The following UNC79 variants were observed in gnomAD, a reference collection of about 807,000 sequenced individuals.
The protein encoded by UNC79 is unc-79 subunit of NALCN channel complex.
In UNC79, 37 loss-of-function variants were observed where a neutral mutation model predicts 283.1. The ratio of observed to expected loss-of-function variants is 0.13; its 90% CI spans 0.10 to 0.17. UNC79 has a LOEUF of 0.17. Ranked by LOEUF, UNC79 falls within the 10% of genes least tolerant of loss-of-function variation. The pLI, the probability that UNC79 is intolerant of heterozygous loss-of-function variation, is 1.00. For synonymous variants in UNC79, 1,107 were observed against 1,200.2 expected, an observed-to-expected ratio of 0.92 and a Z score of 1.61; for missense variants, 2,272 against 3,211.1, an observed-to-expected ratio of 0.71 and a Z score of 7.07.
intron 14 of UNC79, among the ~76,000 whole-genome samples, chr14:93,551,199 G>C (rs1391828782): frequency 6.6e-6 from 1 of 152,240 alleles, no homozygotes; most frequent in Middle Eastern, 3.4e-3. Flanking sequence ...ACAGGCGCCC[G>C]TCACTAAGCC....
rs144168887 is a variant in UNC79, at chr14:93,587,757, C to T, written c.3032+849C>T. Among the ~76,000 whole-genome samples the T allele has an allele frequency of 2.6e-3, 399 of 152,172 alleles. 6 individuals carry two copies. In the East Asian group the frequency reaches 0.027, roughly 10 times the overall value. ...AACCCCAAGAGGATGAATATAAACT[C>T]GACAGTCTTGGTTAAACTAAGATTC... On this transcript the variant is annotated intron_variant, in intron 22 of 48. Transcript: ENST00000555664.
intron 47 of UNC79, among the ~76,000 whole-genome samples, chr14:93,695,902 A>AAAAAAAAAAAAAAAAAAAAAAAAAAAAAC (rs1344209641): frequency 1.3e-5 from 2 of 148,504 alleles, no homozygotes; most frequent in Admixed American, 6.7e-5. Context: ...AAAAAAAAAA[A>AAAAAAAAAAAAAAAAAAAAAAAAAAAAAC]AAAAAAAAGC....
chr14:93,621,789 G>T lies in UNC79; in HGVS notation c.4556G>T (p.Arg1519Met), dbSNP rs1160327387. 6.2e-7 allele frequency: 1 copy of T among 1,614,034 alleles called. No homozygotes were observed. The highest frequency in any genetic ancestry group is 8.5e-7 in the Non-Finnish European group (1 of 1,180,032). ...TTGTTTACATTAGACGAACATCGTA[G>T]GAAGTCGTGCATAGATCGGTGTGAC... Residue 1519 changes from arginine to methionine, a missense_variant, in exon 30 of 49, where the codon AGG (arginine) becomes ATG (methionine). Arg to Met is a moderately conservative substitution (Grantham distance 91). This residue lies in a region of UNC79 where 580 missense variants were observed against 632.2 expected (regional missense o/e 0.92). Coordinates refer to ENST00000555664, the Ensembl canonical transcript of UNC79. This position sits in a 1 kb window ranked among gnomAD's most constrained non-coding sequence, Gnocchi z 4.8.
chr14:93,429,818 T>C (rs1450816009), upstream of UNC79, among the ~76,000 whole-genome samples: 2 of 152,208 alleles, frequency 1.3e-5, no homozygotes, highest in African/African-American at 4.8e-5. Context: ...GTACTTTTAG[T>C]TTACAAGGAC....
chr14:93,405,146 G>A (rs2055200814), intron 1 of UNC79, among the ~76,000 whole-genome samples: 1 of 151,934 alleles, frequency 6.6e-6, no homozygotes, highest in Admixed American at 6.6e-5. Context: ...AGCTGCGTGT[G>A]GTGGCGGGCA....
chr14:93,558,846 T>G (rs989762873), intron 14 of UNC79, among the ~76,000 whole-genome samples: 1 of 151,888 alleles, frequency 6.6e-6, no homozygotes, highest in Non-Finnish European at 1.5e-5. Context: ...CTTTTCTGTT[T>G]CATGGAACCT....
intron 1 of UNC79, among the ~76,000 whole-genome samples, chr14:93,381,786 A>G (rs1241638360): frequency 6.6e-6 from 1 of 152,224 alleles, no homozygotes; most frequent in African/African-American, 2.4e-5. Context: ...AGTGTCCTCT[A>G]GAGGAAGTGT....
intron 15 of UNC79, 141 bp downstream of exon 15, chr14:93,572,225 C>T (rs775551742): frequency 2.3e-6 from 2 of 884,392 alleles, no homozygotes; most frequent in Non-Finnish European, 3.2e-6. Flanking sequence ...AAACTTGAAG[C>T]CCCAACATGA....
chr14:93,646,737 C>A, intron 35 of UNC79, 91 bp downstream of exon 38: 2 of 1,407,096 alleles, frequency 1.4e-6, no homozygotes, highest in Admixed American at 1.8e-5. Flanking sequence ...GGGCTGGGTG[C>A]AGTGGCTCGC....
chr14:93,412,012 C>A (rs1222856485), intron 1 of UNC79, among the ~76,000 whole-genome samples: 1 of 152,162 alleles, frequency 6.6e-6, no homozygotes, highest in East Asian at 1.9e-4. Flanking sequence ...TTCAAAATAG[C>A]TGTTTTGAGG....
intron 1 of UNC79, among the ~76,000 whole-genome samples, chr14:93,386,153 C>T (rs1320313150): frequency 6.6e-6 from 1 of 152,020 alleles, no homozygotes; most frequent in Admixed American, 6.6e-5. Flanking sequence ...TCCTTCTATA[C>T]CCAGTTTTTT....
intron 26 of UNC79, among the ~76,000 whole-genome samples, chr14:93,603,913 C>T (rs1354957204): frequency 1.3e-5 from 2 of 151,872 alleles, no homozygotes; most frequent in African/African-American, 2.4e-5. Flanking sequence ...ATAGAGAAAT[C>T]GGGCTGAGAA....
chr14:93,403,273 C>T (rs1050995422), intron 1 of UNC79, among the ~76,000 whole-genome samples: 1 of 152,162 alleles, frequency 6.6e-6, no homozygotes, highest in East Asian at 1.9e-4. Context: ...GAGTTCTGTC[C>T]TTTGTCCTGC....
Position 93,357,846 on chromosome 14 carries a change from GATATATGGATAT to G in UNC79, c.-351+24338_-351+24349del, listed in dbSNP as rs1329312262. ...GGATATATGGATATGTATATATATG[GATATATGGATAT>G]ATATATGGATATATGGATATATATA... On this transcript the variant is annotated intron_variant, in intron 1 of 49. Coordinates refer to the UNC79 transcript ENST00000256339. 4.9e-5 allele frequency among the ~76,000 whole-genome samples: 4 copies of G among 82,338 alleles called. 1 individual carries two copies. The highest frequency in any genetic ancestry group is 1.1e-4 in the Non-Finnish European group (4 of 37,788). 54.0% of individuals were successfully genotyped at this position (82,338 alleles called of 152,430 possible). A position where few individuals can be genotyped will look rare whatever the true frequency, so the allele number is the denominator to read the frequency against.
intron 1 of UNC79, among the ~76,000 whole-genome samples, chr14:93,463,350 G>A (rs1031178205): frequency 1.3e-5 from 2 of 152,170 alleles, no homozygotes; most frequent in African/African-American, 4.8e-5. Context: ...TGAGTGGAAG[G>A]AGGAATAGAA....
In UNC79 at chr14:93,612,934, G is replaced by A. The variant is rs368292707; in HGVS notation, c.3892G>A (p.Asp1298Asn). 3.2e-5 allele frequency: 52 copies of A among 1,614,002 alleles called. No individual in the cohort carries two copies. The highest frequency in any genetic ancestry group is 4.2e-5 in the Non-Finnish European group (49 of 1,180,028). The stretch of plus-strand genomic sequence containing the variant: ...CAAGGATGAAAGCAGCGCTGAGTCA[G>A]ACATCAGCAGTGCAAAGGCCTTCAA... Residue 1298 changes from aspartate to asparagine, a missense_variant, in exon 27 of 49, where the codon GAC (aspartate) becomes AAC (asparagine). Asp to Asn is a conservative substitution (Grantham distance 23). Coordinates refer to ENST00000555664, the Ensembl canonical transcript of UNC79.
intron 17 of UNC79, among the ~76,000 whole-genome samples, chr14:93,575,661 A>T (rs936501612): frequency 1.3e-5 from 2 of 152,036 alleles, no homozygotes; most frequent in African/African-American, 2.4e-5. Context: ...CATTTTATTG[A>T]CCCCTTTGCA....
chr14:93,523,194 G>C (rs1228697587), intron 7 of UNC79, among the ~76,000 whole-genome samples: 2 of 150,798 alleles, frequency 1.3e-5, no homozygotes, highest in African/African-American at 4.9e-5. Flanking sequence ...ATAACTACTG[G>C]TTGTGATTCT....
At chr14:93,560,973 GC>G (rs1282866029) in intron 14 of UNC79, among the ~76,000 whole-genome samples, 10 of 152,244 alleles carry the variant, frequency 6.6e-5, no homozygotes, top group African/African-American at 2.4e-4. Context: ...TATTTATGGG[GC>G]TGGGTATAAG....
Sources: allele counts gnomAD v4.1 joint callset (sites outside exome capture counted in the v4.1 genomes callset), GRCh38; gene constraint gnomAD v4.1.1; regional missense constraint gnomAD v4.1.1; non-coding constraint Gnocchi (gnomAD v3.1); transcripts MANE v1.5; gene names NCBI Gene and HGNC (gene_info 2026-07-23, HGNC 2026-07-21).